The following GPATCH8 variants were observed in gnomAD, a reference collection of about 807,000 sequenced individuals.
The protein encoded by GPATCH8 is G-patch domain containing 8.
In GPATCH8, 18 loss-of-function variants were observed where a neutral mutation model predicts 118.3. The ratio of observed to expected loss-of-function variants is 0.15; its 90% confidence interval spans 0.11 to 0.23. GPATCH8 has a LOEUF of 0.23. Ranked by LOEUF, GPATCH8 falls within the 10% of genes least tolerant of loss-of-function variation. The pLI, the probability that GPATCH8 is intolerant of heterozygous loss-of-function variation, is 1.00. For synonymous variants in GPATCH8, 659 were observed against 684.7 expected, an observed-to-expected ratio of 0.96 and a Z score of 0.59; for missense variants, 1,631 against 1,873.8, an observed-to-expected ratio of 0.87 and a Z score of 2.39.
intron 3 of GPATCH8, among the ~76,000 whole-genome samples, chr17:44,439,972 GGGGTTTCTTCATGTT>G (rs1161367916): frequency 6.6e-6 from 1 of 151,812 alleles, no homozygotes; most frequent in Non-Finnish European, 1.5e-5. Flanking sequence ...TCGTAAAGAC[GGGGTTTCTTCATGTT>G]GGTCAGGCTG....
intron 3 of GPATCH8, among the ~76,000 whole-genome samples, chr17:44,443,667 T>C (rs9898171): frequency 0.037 from 5,600 of 152,236 alleles, 342 homozygotes; most frequent in African/African-American, 0.13. Flanking sequence ...ATTTGATTTT[T>C]TTCTTCCTTT....
intron 2 of GPATCH8, among the ~76,000 whole-genome samples, chr17:44,472,380 G>A (rs35552943): frequency 0.018 from 2,780 of 152,284 alleles, 88 homozygotes; most frequent in African/African-American, 0.064. Context: ...TGGACATTAT[G>A]AGAGGTAAAA....
intron 6 of GPATCH8, among the ~76,000 whole-genome samples, chr17:44,418,531 T>C (rs552324719): frequency 6.6e-6 from 1 of 151,658 alleles, no homozygotes; most frequent in South Asian, 2.1e-4. Context: ...CTTGGCTCAC[T>C]GCAACTTCCA....
intron 6 of GPATCH8, 95 bp from the exon 7 acceptor site, chr17:44,406,146 A>T: frequency 4.5e-6 from 4 of 880,328 alleles, no homozygotes; most frequent in Non-Finnish European, 5.8e-6. Context: ...CTCAACCAAC[A>T]GTCATGGTAT....
In GPATCH8 at chr17:44,435,051, CT is replaced by C; in HGVS notation, c.348+13del. ...CACCTCCCCATCTCCCAATGAATAG[CT>C]TTGTTTAAATACCTTGTACTTTTGT... On this transcript the variant is annotated intron_variant, in intron 5 of 7. Transcript: ENST00000591680. The C allele has an allele frequency of 8.9e-7, 1 of 1,124,916 alleles. No individual in the cohort carries two copies. Among genetic ancestry groups the C allele is most frequent in the Non-Finnish European group, 1.4e-6 (1 of 733,022 alleles). 69.7% of individuals were successfully genotyped at this position (1,124,916 alleles called of 1,614,324 possible).
chr17:44,453,528 T>TGTGTGTGTGC (rs1482667373), intron 3 of GPATCH8, among the ~76,000 whole-genome samples: 1 of 150,690 alleles, frequency 6.6e-6, no homozygotes, highest in Non-Finnish European at 1.5e-5. Context: ...TGTGTGTGTG[T>TGTGTGTGTGC]GTGCAGGCGC....
intron 1 of GPATCH8, among the ~76,000 whole-genome samples, chr17:44,482,707 T>A (rs967494096): frequency 1.3e-5 from 2 of 151,110 alleles, no homozygotes; most frequent in Non-Finnish European, 3.0e-5. Context: ...AAAGTAAAAT[T>A]AAAAAAAATA....
chr17:44,471,155 G>T (rs1356947500), intron 2 of GPATCH8, among the ~76,000 whole-genome samples: 1 of 152,124 alleles, frequency 6.6e-6, no homozygotes, highest in Non-Finnish European at 1.5e-5. Flanking sequence ...CTCATTGAAA[G>T]ATATCTGGTT....
intron 1 of GPATCH8, among the ~76,000 whole-genome samples, chr17:44,495,202 T>C (rs1415726859): frequency 6.6e-6 from 1 of 152,034 alleles, no homozygotes; most frequent in Non-Finnish European, 1.5e-5. Flanking sequence ...GGCGTGGTAG[T>C]GGGCACCTGT....
intron 3 of GPATCH8, among the ~76,000 whole-genome samples, chr17:44,456,847 A>G (rs115484260): frequency 3.3e-5 from 5 of 151,994 alleles, no homozygotes; most frequent in Non-Finnish European, 5.9e-5. Context: ...TATTTTTTGA[A>G]TAGTAATACA....
At chr17:44,433,795 C>A (rs2050401892) in intron 5 of GPATCH8, among the ~76,000 whole-genome samples, 1 of 152,098 alleles carries the variant, frequency 6.6e-6, no homozygotes, top group Admixed American at 6.6e-5. Context: ...AGCAACTAAT[C>A]TAGGAAAGTA....
At chr17:44,501,726 G>A (rs900660601) in intron 1 of GPATCH8, among the ~76,000 whole-genome samples, 1 of 152,076 alleles carries the variant, frequency 6.6e-6, no homozygotes, top group African/African-American at 2.4e-5. Flanking sequence ...GGAATTCTGT[G>A]GTTGACAGTC....
chr17:44,456,609 T>G (rs1205812857), intron 3 of GPATCH8, among the ~76,000 whole-genome samples: 1 of 151,852 alleles, frequency 6.6e-6, no homozygotes, highest in African/African-American at 2.4e-5. Context: ...TAGAAAGACC[T>G]CATCTCCAAT....
intron 2 of GPATCH8, chr17:44,467,174 G>GTTT: frequency 3.8e-5 from 20 of 521,578 alleles, no homozygotes; most frequent in Admixed American, 1.0e-4. Context: ...ACTAATGGTC[G>GTTT]TTTTTTTTTT....
At chr17:44,483,477 C>T (rs1968503267) in intron 1 of GPATCH8, among the ~76,000 whole-genome samples, 1 of 151,150 alleles carries the variant, frequency 6.6e-6, no homozygotes. Flanking sequence ...TCTTGAACTC[C>T]TGACCTTGTG....
chr17:44,479,004 C>G (rs1445200969), intron 1 of GPATCH8, among the ~76,000 whole-genome samples: 3 of 152,146 alleles, frequency 2.0e-5, no homozygotes, highest in African/African-American at 4.8e-5. Context: ...AGCCATCAAG[C>G]CTGGCCTAGA....
chr17:44,474,459 A>G (rs1257682149), intron 2 of GPATCH8: 1 of 301,260 alleles, frequency 3.3e-6, no homozygotes, highest in Non-Finnish European at 6.4e-6. Flanking sequence ...ATGTAGGAAC[A>G]TTTCATACAT....
At chr17:44,418,433 TAGG>T (rs1294144154) in intron 6 of GPATCH8, among the ~76,000 whole-genome samples, 2 of 151,522 alleles carry the variant, frequency 1.3e-5, no homozygotes, top group African/African-American at 4.9e-5. Context: ...CCAACAAAGG[TAGG>T]AGATGATCAG....
chr17:44,400,106 G>C lies in GPATCH8; in HGVS notation c.1971C>G (p.Asp657Glu), dbSNP rs1050710830. ...TCTTGCTGGGAAGGCTTCTCCCTGT[G>C]TCTTCTGTCTCAGACCCATGGCTAC... ...PGGSHGSETE[D>E]TGRSLPSKKE... is the part of the protein sequence containing the mutation. The change falls in exon 8 of 8, where the codon GAC (aspartate) becomes GAG (glutamate). Residue 657 changes from aspartate to glutamate, a missense_variant. This residue lies in a region of GPATCH8 where 922 missense variants were observed against 879.7 expected (regional missense o/e 1.05). Coordinates refer to ENST00000591680, the MANE Select transcript of GPATCH8 (RefSeq NM_001002909.4). The C allele has an allele frequency of 6.2e-7, 1 of 1,613,828 alleles. No homozygotes were observed. The highest frequency in any genetic ancestry group is 1.3e-5 in the African/African-American group (1 of 74,878).
Sources: allele counts gnomAD v4.1 joint callset (sites outside exome capture counted in the v4.1 genomes callset), GRCh38; gene constraint gnomAD v4.1.1; regional missense constraint gnomAD v4.1.1; transcripts MANE v1.5; gene names NCBI Gene and HGNC (gene_info 2026-07-23, HGNC 2026-07-21).